SMPD4: variants seen among roughly 807,000 people sequenced by gnomAD.
SMPD4 encodes the protein neutral sphingomyelinase 3.
A neutral mutation model predicts 97.8 loss-of-function variants in SMPD4; 58 were observed. The ratio of observed to expected loss-of-function variants is 0.59; its 90% CI spans 0.48 to 0.74. SMPD4 has a LOEUF of 0.74. Ranked by LOEUF, SMPD4 falls within the 30% of genes least tolerant of loss-of-function variation. The probability of loss-of-function intolerance (pLI) is 0.00; values close to 1 mark genes in which losing one functional copy is unlikely to be tolerated. For missense variants in SMPD4, 853 were observed against 1,080.5 expected (o/e 0.79, Z 2.95); for synonymous variants, 388 against 450.0 (o/e 0.86, Z 1.74).
chr2:130,160,292 A>G (rs930739202), intron 11 of SMPD4, among the ~76,000 whole-genome samples: 5 of 152,098 alleles, frequency 3.3e-5, no homozygotes, highest in African/African-American at 1.2e-4. Context: ...TGCTGTGGCC[A>G]CCATCCCAGC....
intron 2 of SMPD4, among the ~76,000 whole-genome samples, chr2:130,175,592 C>T (rs1167400045): frequency 6.6e-6 from 1 of 152,184 alleles, no homozygotes; most frequent in Non-Finnish European, 1.5e-5. Flanking sequence ...AGACACTAAT[C>T]ATGAAGGCAA....
In SMPD4 at chr2:130,172,374, C is replaced by T; in HGVS notation, c.634G>A (p.Gly212Arg). 6.2e-7 allele frequency: 1 copy of T among 1,605,600 alleles called. No homozygotes were observed. Among genetic ancestry groups the T allele is most frequent in the South Asian group, 1.1e-5 (1 of 89,662 alleles). The change falls in exon 8 of 20, where the codon GGG (glycine) becomes AGG (arginine). Residue 212 changes from glycine (G) to arginine (R), a missense_variant. Gly to Arg is a moderately radical substitution (Grantham distance 125). Around this residue, in one of 3 missense-constraint regions of SMPD4, gnomAD observed 313 missense variants for 402.2 expected, o/e 0.78. Coordinates refer to ENST00000680298, the MANE Select transcript of SMPD4 (RefSeq NM_017951.5). The part of the protein sequence containing the change: ...VPPPLSSSPG[G>R]TSPSPPPRTP... ...CTGGGAGGTGGTGAGGGGCTGGTCC[C>T]CCCTGGGCTGGAGGAGAGTGGTGGG...
At chr2:130,171,939 A>G (rs957209989) in intron 8 of SMPD4, among the ~76,000 whole-genome samples, 7 of 152,226 alleles carry the variant, frequency 4.6e-5, no homozygotes, top group African/African-American at 1.7e-4. Flanking sequence ...TTGGACTGAC[A>G]AAACAGGCTC....
chr2:130,181,389 C>T (rs1689610267), intron 1 of SMPD4, 141 bp downstream of exon 1: 29 of 1,458,572 alleles, frequency 2.0e-5, no homozygotes, highest in Non-Finnish European at 2.4e-5. Flanking sequence ...CCCTCCACTC[C>T]CCAGCCTGCC....
At chr2:130,168,413 AGACCC>A (rs1387406933) in intron 8 of SMPD4, among the ~76,000 whole-genome samples, 5 of 152,158 alleles carry the variant, frequency 3.3e-5, no homozygotes, top group Admixed American at 6.5e-5. Flanking sequence ...TAAGAGAACA[AGACCC>A]TGTCTGCAAA....
intron 13 of SMPD4, 115 bp downstream of exon 13, chr2:130,156,470 C>G (rs1004397615): frequency 1.9e-5 from 20 of 1,064,356 alleles, no homozygotes; most frequent in Non-Finnish European, 2.5e-5. Context: ...AAGACCCCCT[C>G]CTTGCCAAGG....
At chr2:130,160,286 G>A (rs898328237) in intron 11 of SMPD4, among the ~76,000 whole-genome samples, 3 of 152,182 alleles carry the variant, frequency 2.0e-5, no homozygotes, top group African/African-American at 7.2e-5. Flanking sequence ...CCTGTGTGCT[G>A]TGGCCACCAT....
Position 130,152,736 on chromosome 2 carries a change from C to A in SMPD4, c.2303G>T (p.Arg768Met), listed in dbSNP as rs1444804289. Residue 768 changes from arginine to methionine, a missense_variant, in exon 20 of 20, where the codon AGG (arginine) becomes ATG (methionine). By Grantham distance (91) the Arg-to-Met change is moderately conservative. Around this residue, in one of 3 missense-constraint regions of SMPD4, gnomAD observed 511 missense variants for 608.1 expected, o/e 0.84. Coordinates refer to ENST00000680298, the MANE Select transcript of SMPD4 (RefSeq NM_017951.5). ...RQVAGHTRGP[R>M]LSLRFLGSYR... ...ACTGCCCAGGAAGCGCAGGCTGAGCCTGGGGCCGCGGGTGTGGCCGGCCAC... is the reference window on the plus strand; with the variant it reads ...ACTGCCCAGGAAGCGCAGGCTGAGCATGGGGCCGCGGGTGTGGCCGGCCAC... 2.5e-6 allele frequency: 4 copies of A among 1,590,968 alleles called. No individual in the cohort carries two copies. The highest frequency in any genetic ancestry group is 2.6e-6 in the Non-Finnish European group (3 of 1,170,040).
At chr2:130,175,151 C>T (rs1688851409) in intron 2 of SMPD4, 151 bp from the exon 3 acceptor site, 1 of 593,396 alleles carries the variant, frequency 1.7e-6, no homozygotes, top group African/African-American at 1.8e-5. Context: ...TCATGTGTGT[C>T]AGTGGCCCAA....
At position 130,168,986 on chromosome 2, in the gene SMPD4, CCT is replaced by C. The variant is rs564201839; in HGVS notation, c.660-1398_660-1397del. Among the ~76,000 whole-genome samples, 6 of 152,212 alleles carry C rather than the reference CCT, an allele frequency of 3.9e-5. No homozygotes were observed. The East Asian group carries it at 1.2e-3, about 29-fold the overall frequency. ...TCCGCCCACCTCAGCCTCTCAAAGT[CCT>C]GGAATTACAGGCATGAGCCACCATG... On this transcript the variant is annotated intron_variant, in intron 8 of 19. Transcript: ENST00000680298.
chr2:130,173,725 C>G lies in SMPD4; in HGVS notation c.127-69G>C, dbSNP rs1035472000. 8.2e-6 allele frequency: 13 copies of G among 1,594,434 alleles called. No homozygotes were observed. In the African/African-American group the frequency reaches 1.7e-4, roughly 21 times the overall value. ...CTCCTGCCCCGGCTCTAGTCCTGCA[C>G]CACCTGCTGCCCAGCTCCCTCTGAG... On this transcript the variant is annotated intron_variant, in intron 3 of 19. Transcript: ENST00000680298.
chr2:130,169,872 C>T (rs1378952875), intron 8 of SMPD4, among the ~76,000 whole-genome samples: 2 of 151,988 alleles, frequency 1.3e-5, no homozygotes, highest in Non-Finnish European at 2.9e-5. Flanking sequence ...TTTTATTATG[C>T]GTGGAAACTT....
intron 10 of SMPD4, among the ~76,000 whole-genome samples, chr2:130,163,873 G>C (rs1373692997): frequency 6.6e-6 from 1 of 152,232 alleles, no homozygotes; most frequent in Non-Finnish European, 1.5e-5. Context: ...GCTGCATGCA[G>C]GGGGGCACCA....
intron 8 of SMPD4, among the ~76,000 whole-genome samples, chr2:130,171,042 C>T (rs1320221978): frequency 6.6e-6 from 1 of 151,330 alleles, no homozygotes; most frequent in African/African-American, 2.4e-5. Flanking sequence ...CCAGCATGGG[C>T]GACAGAGTGA....
intron 10 of SMPD4, among the ~76,000 whole-genome samples, chr2:130,163,610 G>A (rs1396476624): frequency 1.3e-5 from 2 of 152,254 alleles, no homozygotes; most frequent in Admixed American, 6.5e-5. Context: ...ACCAGACTAC[G>A]TGGCTGATGC....
chr2:130,162,867 C>G (rs770798706), intron 10 of SMPD4, among the ~76,000 whole-genome samples: 4 of 152,188 alleles, frequency 2.6e-5, no homozygotes, highest in African/African-American at 4.8e-5. Flanking sequence ...GTACTTGGTC[C>G]GGCCACTGCA....
intron 2 of SMPD4, among the ~76,000 whole-genome samples, chr2:130,176,087 A>G (rs1186308053): frequency 6.6e-6 from 1 of 151,950 alleles, no homozygotes; most frequent in Non-Finnish European, 1.5e-5. Context: ...TCTCCTCAGT[A>G]GCTGGAACTC....
chr2:130,169,778 C>G (rs903577295), intron 8 of SMPD4, among the ~76,000 whole-genome samples: 26 of 152,158 alleles, frequency 1.7e-4, no homozygotes, highest in Admixed American at 5.2e-4. Context: ...TCTCGAATTC[C>G]TGGCCTCAAG....
rs1558762749 is a variant in SMPD4 at position 130,173,603 on chromosome 2, A to G, written c.180T>C (p.Asp60=). Residue 60 remains aspartate, a synonymous_variant, in exon 4 of 20, where the codon GAT becomes GAC. Coordinates refer to ENST00000680298, the MANE Select transcript of SMPD4 (RefSeq NM_017951.5). The part of the protein sequence containing the change: ...WLVESIFGSL[D]GVLVGWNLRC... ...GGAGGTTCCAGCCAACGAGGACACC[A>G]TCTAGGCTGCCAAAAATGCTTTCTA... 7 of 1,613,932 alleles carry G rather than the reference A, an allele frequency of 4.3e-6. No homozygotes were observed. Among genetic ancestry groups the G allele is most frequent in the Non-Finnish European group, 5.1e-6 (6 of 1,179,878 alleles).
Sources: allele counts gnomAD v4.1 joint callset (sites outside exome capture counted in the v4.1 genomes callset), GRCh38; gene constraint gnomAD v4.1.1; regional missense constraint gnomAD v4.1.1; transcripts MANE v1.5; gene names NCBI Gene and HGNC (gene_info 2026-07-23, HGNC 2026-07-21).